C1orf94: variants seen among roughly 807,000 people sequenced by gnomAD.
C1orf94 encodes the protein uncharacterized protein C1orf94.
C1orf94 carries 45 observed loss-of-function variants against 53.6 expected under a neutral mutation model. That is an observed-to-expected ratio of 0.84 (90% CI 0.66 to 1.08). C1orf94 has a LOEUF of 1.08. Among genes scored for constraint, C1orf94 ranks in the 50% least tolerant of loss-of-function variants. The pLI is 0.00. For missense variants in C1orf94, 762 were observed against 738.9 expected (o/e 1.03, Z -0.36); for synonymous variants, 304 against 296.1 (o/e 1.03, Z -0.27).
At chr1:34,189,487 T>C (rs934209165) in intron 1 of C1orf94, among the ~76,000 whole-genome samples, 1 of 152,152 alleles carries the variant, frequency 6.6e-6, no homozygotes, top group Non-Finnish European at 1.5e-5. Context: ...CCTCCCTTGC[T>C]TCCACACTGG....
At chr1:34,192,810 A>G (rs1403699475) in intron 1 of C1orf94, among the ~76,000 whole-genome samples, 1 of 152,174 alleles carries the variant, frequency 6.6e-6, no homozygotes, top group Non-Finnish European at 1.5e-5. Context: ...TGCAGGGAGA[A>G]GCATTCCATA....
At chr1:34,193,301 C>G (rs965819833) in intron 1 of C1orf94, among the ~76,000 whole-genome samples, 7 of 152,128 alleles carry the variant, frequency 4.6e-5, no homozygotes, top group Admixed American at 1.3e-4. Context: ...GCCCCAGACT[C>G]TCTCCTGTTC....
In C1orf94 at chr1:34,177,916, G is replaced by T; in HGVS notation, c.127G>T (p.Ala43Ser). The change falls in exon 1 of 7, where the codon GCC becomes TCC. Residue 43 changes from alanine (A) to serine (S), a missense_variant. Physicochemically the swap from Ala to Ser is moderately conservative, Grantham distance 99. Coordinates refer to ENST00000488417, the MANE Select transcript of C1orf94 (RefSeq NM_001134734.2). ...SSALVAKGPC[A>S]LGPFPRYIWI... is the part of the protein sequence containing the mutation. ...GGCCCTGGTGGCCAAGGGCCCCTGC[G>T]CCCTGGGCCCATTCCCCAGATACAT... is the stretch of plus-strand genomic sequence containing the variant. 6.4e-7 allele frequency: 1 copy of T among 1,551,668 alleles called. No homozygotes were observed. Among genetic ancestry groups the T allele is most frequent in the African/African-American group, 1.4e-5 (1 of 73,156 alleles).
intron 1 of C1orf94, among the ~76,000 whole-genome samples, chr1:34,171,021 G>A (rs540182735): frequency 6.6e-6 from 1 of 152,220 alleles, no homozygotes; most frequent in Admixed American, 6.5e-5. Flanking sequence ...CTTCCTCTCT[G>A]CCACCAGCTA....
chr1:34,186,032 T>A (rs1385339423), intron 1 of C1orf94, among the ~76,000 whole-genome samples: 1 of 152,210 alleles, frequency 6.6e-6, no homozygotes, highest in African/African-American at 2.4e-5. Flanking sequence ...CTAGAATAAG[T>A]GTGTTGTCCT....
chr1:34,212,670 T>G (rs1642915371), intron 6 of C1orf94, among the ~76,000 whole-genome samples: 1 of 152,132 alleles, frequency 6.6e-6, no homozygotes, highest in Non-Finnish European at 1.5e-5. Flanking sequence ...CCATAACATA[T>G]GGATACCCCT....
chr1:34,187,036 G>A (rs1461685421), intron 1 of C1orf94, among the ~76,000 whole-genome samples: 1 of 152,168 alleles, frequency 6.6e-6, no homozygotes, highest in Non-Finnish European at 1.5e-5. Flanking sequence ...GTCATCAGAG[G>A]AAGCACAGAA....
chr1:34,208,478 CACTA>C (rs1642836593), intron 5 of C1orf94, among the ~76,000 whole-genome samples: 1 of 152,212 alleles, frequency 6.6e-6, no homozygotes, highest in South Asian at 2.1e-4. Flanking sequence ...ACTGTGTCTG[CACTA>C]ACTAATTTAG....
In C1orf94 at chr1:34,201,033, G is replaced by A. The variant is rs1642698905; in HGVS notation, c.1270+1G>A. 5 of 1,582,854 alleles carry A rather than the reference G, an allele frequency of 3.2e-6. No individual in the cohort carries two copies. Among genetic ancestry groups the A allele is most frequent in the Non-Finnish European group, 4.3e-6 (5 of 1,163,924 alleles). ...GAAGTGGATGGGCCGGAGCTGAAATGTGAGCTGACCTACCCAGGGAGGGAT... is the reference window on the plus strand; with the variant it reads ...GAAGTGGATGGGCCGGAGCTGAAATATGAGCTGACCTACCCAGGGAGGGAT... On this transcript the variant is annotated splice_donor_variant, in intron 3 of 6. Transcript: ENST00000488417. LOFTEE classifies it high-confidence loss of function.
upstream of C1orf94, among the ~76,000 whole-genome samples, chr1:34,172,278 GAC>G (rs1001370345): frequency 1.3e-5 from 2 of 152,144 alleles, no homozygotes; most frequent in African/African-American, 4.8e-5. Context: ...TGTCATCTAG[GAC>G]CTTCCTTTTC....
In C1orf94 at chr1:34,197,681, G is replaced by A; in HGVS notation, c.777G>A (p.Val259=). ...CCAAGGTCCCTGACAACAAGAATGT[G>A]CTGGACAAGACAAGGGTCACCAAGG... ...ETSKVPDNKN[V]LDKTRVTKDF... is the part of the protein sequence containing the mutation. Residue 259 remains valine, a synonymous_variant, in exon 2 of 7, where the codon GTG becomes GTA. Transcript: ENST00000488417. This position sits in a 1 kb window ranked among gnomAD's most constrained non-coding sequence, Gnocchi z 4.1. 6.2e-7 allele frequency: 1 copy of A among 1,614,154 alleles called. No homozygotes were observed. The highest frequency in any genetic ancestry group is 1.1e-5 in the South Asian group (1 of 91,080).
At chr1:34,182,862 G>T (rs1229630086) in intron 1 of C1orf94, among the ~76,000 whole-genome samples, 1 of 152,152 alleles carries the variant, frequency 6.6e-6, no homozygotes, top group East Asian at 1.9e-4. Context: ...CTGAGAGCTG[G>T]GAGGATGTCT....
chr1:34,178,781 G>A (rs1479387971), intron 1 of C1orf94, among the ~76,000 whole-genome samples: 6 of 152,216 alleles, frequency 3.9e-5, no homozygotes, highest in Non-Finnish European at 8.8e-5. Flanking sequence ...GAAAGGAAAG[G>A]AAGGAGCAGA....
At chr1:34,208,511 G>A (rs781694331) in intron 5 of C1orf94, among the ~76,000 whole-genome samples, 12 of 152,212 alleles carry the variant, frequency 7.9e-5, no homozygotes, top group Non-Finnish European at 1.6e-4. Context: ...ATTACCCTGT[G>A]AGGTAGGTTA....
At chr1:34,169,539 T>C (rs1642106590) in intron 1 of C1orf94, among the ~76,000 whole-genome samples, 1 of 150,890 alleles carries the variant, frequency 6.6e-6, no homozygotes. Context: ...AGCTGTAGAC[T>C]TGATGCCCTG....
chr1:34,204,220 G>A (rs1002876382), intron 4 of C1orf94, among the ~76,000 whole-genome samples: 1 of 152,202 alleles, frequency 6.6e-6, no homozygotes, highest in African/African-American at 2.4e-5. Flanking sequence ...TGGGAAAGGG[G>A]ATTGGCTCTT....
chr1:34,197,669 C>A lies in C1orf94; in HGVS notation c.765C>A (p.Asp255Glu). 6.2e-7 allele frequency: 1 copy of A among 1,614,150 alleles called. No homozygotes were observed. Among genetic ancestry groups the A allele is most frequent in the Non-Finnish European group, 8.5e-7 (1 of 1,180,020 alleles). The change falls in exon 2 of 7, where the codon GAC becomes GAA. Residue 255 changes from aspartate (D) to glutamate (E), a missense_variant. Physicochemically the swap from Asp to Glu is conservative, Grantham distance 45. Coordinates refer to ENST00000488417, the MANE Select transcript of C1orf94 (RefSeq NM_001134734.2). The surrounding 1 kb of genome is among the most constrained non-coding windows in gnomAD (Gnocchi z 4.1). ...CCACTGAGACATCCAAGGTCCCTGA[C>A]AACAAGAATGTGCTGGACAAGACAA... ...LKSTETSKVP[D>E]NKNVLDKTRV... is the part of the protein sequence containing the mutation.
upstream of C1orf94, among the ~76,000 whole-genome samples, chr1:34,172,887 A>G (rs1642168594): frequency 1.3e-5 from 2 of 152,110 alleles, no homozygotes; most frequent in Non-Finnish European, 2.9e-5. Flanking sequence ...TGCCTGGGAT[A>G]CTCCTATGCA....
At position 34,210,134 on chromosome 1, in the gene C1orf94, T is replaced by A. The variant is rs377574742; in HGVS notation, c.1524+1900T>A. Among the ~76,000 whole-genome samples the A allele has an allele frequency of 9.9e-4, 151 of 152,226 alleles. 3 individuals are homozygous for A. In the South Asian group the frequency reaches 0.031, roughly 31 times the overall value. On this transcript the variant is annotated intron_variant, in intron 5 of 6. Coordinates refer to ENST00000488417, the MANE Select transcript of C1orf94 (RefSeq NM_001134734.2). ...ATACATGGAATCAGGGGCACATTTT[T>A]TTATAACACTGTGTGAACTCTAGGA...
Sources: gnomAD v4.1 joint callset for allele counts (sites outside exome capture counted in the v4.1 genomes callset) on GRCh38, gnomAD v4.1.1 for gene constraint, Gnocchi (gnomAD v3.1) non-coding constraint, MANE v1.5 for transcripts, NCBI Gene and HGNC (gene_info 2026-07-23, HGNC 2026-07-21) for gene names.